RAF1: variants seen among roughly 807,000 people sequenced by gnomAD.
The protein encoded by RAF1 is Raf-1 proto-oncogene, serine/threonine kinase.
In RAF1, 27 loss-of-function variants were observed where a neutral mutation model predicts 81.1. The observed-to-expected ratio is 0.33, with a 90% confidence interval of 0.25 to 0.46. The LOEUF (loss-of-function observed/expected upper bound fraction) is 0.46, where lower values mean the gene tolerates loss of function less well. Among genes scored for constraint, RAF1 ranks in the 20% least tolerant of loss-of-function variants. RAF1 has a pLI of 1.00. For missense variants in RAF1, 598 were observed against 826.0 expected (o/e 0.72, Z 3.38); for synonymous variants, 298 against 294.0 (o/e 1.01, Z -0.14).
intron 1 of RAF1, among the ~76,000 whole-genome samples, chr3:12,642,879 T>C: frequency 6.7e-6 from 1 of 149,890 alleles, no homozygotes; most frequent in South Asian, 2.1e-4. Flanking sequence ...ACAGCAAGAC[T>C]CTGTCTCAGA....
intron 1 of RAF1, among the ~76,000 whole-genome samples, chr3:12,635,262 T>G (rs1270049291): frequency 8.0e-6 from 1 of 124,710 alleles, no homozygotes; most frequent in East Asian, 2.5e-4. Flanking sequence ...GAGGTTGCAG[T>G]AAACCGGGAT....
chr3:12,646,532 G>A (rs910370657), intron 1 of RAF1, among the ~76,000 whole-genome samples: 4 of 149,986 alleles, frequency 2.7e-5, no homozygotes, highest in Non-Finnish European at 5.9e-5. Context: ...CACCACCAAC[G>A]CCCTGCTAAT....
In RAF1 at chr3:12,600,271, A is replaced by C; in HGVS notation, c.931T>G (p.Ser311Ala). The C allele has an allele frequency of 6.2e-7, 1 of 1,614,210 alleles. No homozygotes were observed. The highest frequency in any genetic ancestry group is 8.5e-7 in the Non-Finnish European group (1 of 1,180,038). The change falls in exon 10 of 18, where the codon TCA becomes GCA. Residue 311 changes from serine (S) to alanine (A), a missense_variant. Around this residue, in one of 5 missense-constraint regions of RAF1, gnomAD observed 194 missense variants for 202.7 expected, o/e 0.96. Coordinates refer to ENST00000442415, the MANE Select transcript of RAF1 (RefSeq NM_001354689.3). Reference sequence around the variant, plus strand: ...TTGTTGGGGCTACTGGACAGGGCTGAAGGTGAGGCTTAATAGACAAGACAA... The same window carrying C: ...TTGTTGGGGCTACTGGACAGGGCTGCAGGTGAGGCTTAATAGACAAGACAA...
At chr3:12,647,618 CAAAT>C (rs2060395601) in intron 1 of RAF1, among the ~76,000 whole-genome samples, 1 of 151,926 alleles carries the variant, frequency 6.6e-6, no homozygotes, top group East Asian at 1.9e-4. Context: ...ACAAACAAAA[CAAAT>C]AAATAAATTT....
intron 1 of RAF1, among the ~76,000 whole-genome samples, chr3:12,649,675 C>G (rs988099913): frequency 1.3e-4 from 20 of 152,002 alleles, no homozygotes; most frequent in Non-Finnish European, 2.4e-4. Flanking sequence ...TTATACCCTG[C>G]TATTTTGCCA....
intron 13 of RAF1, chr3:12,590,005 G>C (rs554310252): frequency 5.9e-5 from 9 of 151,944 alleles, no homozygotes; most frequent in African/African-American, 1.7e-4. Flanking sequence ...TGGCCAGGCT[G>C]GTTTCGAACT....
Position 12,612,087 on chromosome 3 carries a change from G to A in RAF1, c.208-25C>T, listed in dbSNP as rs1246575085. The A allele has an allele frequency of 4.5e-6, 7 of 1,572,660 alleles. No homozygotes were observed. In the East Asian group the frequency reaches 9.0e-5, roughly 20 times the overall value. On this transcript the variant is annotated intron_variant, in intron 2 of 17. Coordinates refer to ENST00000442415, the MANE Select transcript of RAF1 (RefSeq NM_001354689.3). ...CCTACAAACAAAGGACCACCTTTAG[G>A]ACCAACACAGGCTGCAGCACCCCTT...
chr3:12,650,624 C>G (rs1438394403), intron 1 of RAF1, among the ~76,000 whole-genome samples: 1 of 152,156 alleles, frequency 6.6e-6, no homozygotes, highest in East Asian at 1.9e-4. Context: ...TCAACAATTT[C>G]TAAGAATCTA....
chr3:12,618,729 G>C lies in RAF1; in HGVS notation c.-8C>G, dbSNP rs1395868338. The C allele has an allele frequency of 1.2e-6, 2 of 1,613,824 alleles. No homozygotes were observed. Among genetic ancestry groups the C allele is most frequent in the East Asian group, 2.2e-5 (1 of 44,882 alleles). ...TCCCTGTATGTGCTCCATTGATGCAGCTTAAACAATTCTTAAACCTGGTAA... is the reference window on the plus strand; with the variant it reads ...TCCCTGTATGTGCTCCATTGATGCACCTTAAACAATTCTTAAACCTGGTAA... On this transcript the variant is annotated 5_prime_UTR_variant, in exon 2 of 18. Transcript: ENST00000442415.
chr3:12,630,498 C>A (rs1191569830), intron 1 of RAF1, among the ~76,000 whole-genome samples: 1 of 152,092 alleles, frequency 6.6e-6, no homozygotes, highest in Non-Finnish European at 1.5e-5. Context: ...AGGCAGACTG[C>A]AATTACATAG....
chr3:12,655,002 C>CT (rs1553624730), intron 1 of RAF1, among the ~76,000 whole-genome samples: 2 of 135,506 alleles, frequency 1.5e-5, no homozygotes, highest in African/African-American at 5.8e-5. Flanking sequence ...ATAGTGAGAC[C>CT]CCCCCCCCGC....
chr3:12,583,756 G>GA lies in RAF1; in HGVS notation c.*757dup. 4.3e-6 allele frequency: 1 copy of GA among 232,936 alleles called. No individual in the cohort carries two copies. Among genetic ancestry groups the GA allele is most frequent in the Middle Eastern group, 1.3e-3 (1 of 786 alleles). The allele number at this position is 232,936 out of a possible 1,614,324, so 14.4% of individuals were successfully genotyped here. ...CTTGTATACACATGATGTGACTAGAGAAACAAGGCTGTTTGTTTGTTTGTT... is the reference window on the plus strand; with the variant it reads ...CTTGTATACACATGATGTGACTAGAGAAAACAAGGCTGTTTGTTTGTTTGTT... On this transcript the variant is annotated 3_prime_UTR_variant, in exon 18 of 18. Coordinates refer to ENST00000442415, the MANE Select transcript of RAF1 (RefSeq NM_001354689.3).
chr3:12,621,667 G>A (rs1468126914), intron 1 of RAF1, among the ~76,000 whole-genome samples: 2 of 152,164 alleles, frequency 1.3e-5, no homozygotes, highest in Non-Finnish European at 2.9e-5. Context: ...AAAAACATGT[G>A]TAAGCATATT....
chr3:12,655,246 C>T (rs1003987338), intron 1 of RAF1, among the ~76,000 whole-genome samples: 26 of 152,044 alleles, frequency 1.7e-4, no homozygotes, highest in Non-Finnish European at 3.1e-4. Context: ...ACAAGCCCAG[C>T]GAATTTTTTT....
intron 1 of RAF1, among the ~76,000 whole-genome samples, chr3:12,651,490 C>T (rs1394321004): frequency 1.3e-5 from 2 of 151,006 alleles, no homozygotes; most frequent in Non-Finnish European, 2.9e-5. Context: ...AAAAATTAGC[C>T]AGGCGTGGTG....
intron 1 of RAF1, among the ~76,000 whole-genome samples, chr3:12,634,439 C>T (rs1037490794): frequency 2.6e-5 from 4 of 152,078 alleles, no homozygotes; most frequent in African/African-American, 9.7e-5. Flanking sequence ...GCTTGAGCCA[C>T]CGCGCCTGGC....
chr3:12,632,514 G>T (rs1017027964), intron 1 of RAF1, among the ~76,000 whole-genome samples: 1 of 152,108 alleles, frequency 6.6e-6, no homozygotes, highest in African/African-American at 2.4e-5. Context: ...TTTAGAGAAG[G>T]TAAAGATACA....
chr3:12,605,887 T>A (rs181551571), intron 6 of RAF1, among the ~76,000 whole-genome samples: 1 of 152,194 alleles, frequency 6.6e-6, no homozygotes, highest in Non-Finnish European at 1.5e-5. Context: ...ACCCTTTCCA[T>A]TGAGGTTGAA....
intron 1 of RAF1, among the ~76,000 whole-genome samples, chr3:12,656,864 G>A (rs2060710387): frequency 6.6e-6 from 1 of 152,088 alleles, no homozygotes; most frequent in Admixed American, 6.6e-5. Flanking sequence ...GGGCGTGGTG[G>A]CAGATGCCTG....
Sources: gnomAD v4.1 joint callset for allele counts (sites outside exome capture counted in the v4.1 genomes callset) on GRCh38, gnomAD v4.1.1 for gene constraint, gnomAD v4.1.1 regional missense constraint, MANE v1.5 for transcripts, NCBI Gene and HGNC (gene_info 2026-07-23, HGNC 2026-07-21) for gene names.